Variants in FAT3 observed in about 807,000 individuals in gnomAD.
The protein encoded by FAT3 is protocadherin Fat 3.
In FAT3, 95 loss-of-function variants were observed where a neutral mutation model predicts 310.2. That is an observed-to-expected ratio of 0.31 (90% CI 0.26 to 0.36). The LOEUF (loss-of-function observed/expected upper bound fraction) is 0.36. FAT3 is among the 10% of genes least tolerant of loss of function. FAT3 has a pLI of 1.00. For synonymous variants in FAT3, 2,314 were observed against 2,192.9 expected, an observed-to-expected ratio of 1.06 and a Z score of -1.54; for missense variants, 5,408 against 5,715.6, an observed-to-expected ratio of 0.95 and a Z score of 1.74.
At chr11:92,698,602 T>TATTATC (rs1161323909) in intron 4 of FAT3, among the ~76,000 whole-genome samples, 4 of 152,156 alleles carry the variant, frequency 2.6e-5, no homozygotes, top group Admixed American at 1.3e-4. Context: ...TTATTATTAT[T>TATTATC]ATTATCATCA....
At chr11:92,661,764 T>C (rs1450780214) in intron 3 of FAT3, among the ~76,000 whole-genome samples, 1 of 152,096 alleles carries the variant, frequency 6.6e-6, no homozygotes, top group South Asian at 2.1e-4. Context: ...AGGAGAGGCA[T>C]TTAACAAATT....
chr11:92,241,161 A>G (rs1027094079), intron 1 of FAT3, among the ~76,000 whole-genome samples: 11 of 152,078 alleles, frequency 7.2e-5, no homozygotes, highest in South Asian at 2.1e-4. Context: ...CAAACTTACT[A>G]AGCATTCATT....
At chr11:92,471,053 G>C (rs373484355) in intron 2 of FAT3, among the ~76,000 whole-genome samples, 2 of 152,010 alleles carry the variant, frequency 1.3e-5, no homozygotes, top group Non-Finnish European at 2.9e-5. Context: ...TAATGTCTGC[G>C]TAGCAGTCTA....
chr11:92,608,009 T>TA (rs1401088195), intron 3 of FAT3, among the ~76,000 whole-genome samples: 1 of 152,108 alleles, frequency 6.6e-6, no homozygotes, highest in Non-Finnish European at 1.5e-5. Flanking sequence ...CTTTTTTTTT[T>TA]AATCTTAAAA....
At position 92,867,585 on chromosome 11, in the gene FAT3, C is replaced by T. The variant is rs561925267; in HGVS notation, c.12127+376C>T. Among the ~76,000 whole-genome samples the T allele has an allele frequency of 6.6e-5, 10 of 152,254 alleles. No individual in the cohort carries two copies. The Middle Eastern group carries it at 0.01, about 155-fold the overall frequency. Reference sequence around the variant, plus strand: ...GCATGTCACTGCAGAATGATAGTAGCACTATGAGTTATGATGCCCATGCAC... The same window carrying T: ...GCATGTCACTGCAGAATGATAGTAGTACTATGAGTTATGATGCCCATGCAC... On this transcript the variant is annotated intron_variant, in intron 22 of 27. Transcript: ENST00000525166.
chr11:92,627,333 A>T (rs1352663184), intron 3 of FAT3, among the ~76,000 whole-genome samples: 3 of 152,192 alleles, frequency 2.0e-5, no homozygotes, highest in Non-Finnish European at 4.4e-5. Flanking sequence ...AGATAAATAC[A>T]ATCTAAGGAT....
intron 4 of FAT3, among the ~76,000 whole-genome samples, chr11:92,760,934 C>A (rs569135437): frequency 3.1e-4 from 47 of 152,272 alleles, no homozygotes; most frequent in African/African-American, 9.1e-4. Flanking sequence ...AGGTGTACAT[C>A]CCCCTCCCAT....
intron 3 of FAT3, among the ~76,000 whole-genome samples, chr11:92,593,857 A>G (rs1179799780): frequency 1.3e-5 from 2 of 152,192 alleles, no homozygotes; most frequent in East Asian, 1.9e-4. Context: ...AAAAAATTAT[A>G]ATGAGGTATG....
chr11:92,622,777 AG>A (rs1941145061), intron 3 of FAT3, among the ~76,000 whole-genome samples: 1 of 152,176 alleles, frequency 6.6e-6, no homozygotes, highest in Non-Finnish European at 1.5e-5. Context: ...TTCTTCGTAA[AG>A]CCCCAAAAGT....
intron 1 of FAT3, among the ~76,000 whole-genome samples, chr11:92,339,417 A>G (rs1220564062): frequency 6.6e-6 from 1 of 152,218 alleles, no homozygotes; most frequent in African/African-American, 2.4e-5. Flanking sequence ...TTGAGCACCT[A>G]CTATGTGCCC....
chr11:92,343,247 T>C (rs959464562), intron 1 of FAT3, among the ~76,000 whole-genome samples: 3 of 152,140 alleles, frequency 2.0e-5, no homozygotes, highest in African/African-American at 7.2e-5. Flanking sequence ...ACAGTATTAT[T>C]ATGATGAAAA....
At chr11:92,686,906 G>A (rs1943649115) in intron 3 of FAT3, among the ~76,000 whole-genome samples, 1 of 152,146 alleles carries the variant, frequency 6.6e-6, no homozygotes. Context: ...ACAGTGACAT[G>A]ATTTCTAAGG....
In FAT3 at chr11:92,890,574, G is replaced by A. The variant is rs1949893997; in HGVS notation, c.13231G>A (p.Gly4411Arg). The A allele has an allele frequency of 6.2e-7, 1 of 1,613,416 alleles. No individual in the cohort carries two copies. Among genetic ancestry groups the A allele is most frequent in the Non-Finnish European group, 8.5e-7 (1 of 1,179,752 alleles). Reference protein sequence around the residue: ...EEVPNYENQDGGSAHQGSTRE... With the variant: ...EEVPNYENQDRGSAHQGSTRE... ...AGTGCCCAACTATGAGAACCAGGAT[G>A]GAGGGTCTGCACACCAGGGGAGCAC... is the stretch of plus-strand genomic sequence containing the variant. Residue 4411 changes from glycine to arginine, a missense_variant, in exon 28 of 28, where the codon GGA (glycine) becomes AGA (arginine). Around this residue, in one of 5 missense-constraint regions of FAT3, gnomAD observed 649 missense variants for 666.2 expected, o/e 0.97. Coordinates refer to ENST00000525166, the MANE Select transcript of FAT3 (RefSeq NM_001367949.2).
At chr11:92,535,107 C>A (rs928127918) in intron 3 of FAT3, among the ~76,000 whole-genome samples, 1 of 152,088 alleles carries the variant, frequency 6.6e-6, no homozygotes, top group African/African-American at 2.4e-5. Flanking sequence ...TCAGAGATAC[C>A]TTTATGCTTC....
At chr11:92,503,181 A>C (rs978777381) in intron 2 of FAT3, among the ~76,000 whole-genome samples, 2 of 152,082 alleles carry the variant, frequency 1.3e-5, no homozygotes, top group Non-Finnish European at 2.9e-5. Flanking sequence ...GCAACAAGAA[A>C]ATTTCCATCG....
intron 2 of FAT3, among the ~76,000 whole-genome samples, chr11:92,514,148 T>G (rs1289827062): frequency 1.3e-5 from 2 of 152,218 alleles, no homozygotes; most frequent in Non-Finnish European, 2.9e-5. Flanking sequence ...AATATGTGTT[T>G]CATGCTGGAA....
intron 4 of FAT3, among the ~76,000 whole-genome samples, chr11:92,710,475 T>G (rs959229436): frequency 2.6e-5 from 4 of 152,138 alleles, no homozygotes; most frequent in African/African-American, 9.7e-5. Flanking sequence ...AAGGCTGCAG[T>G]CAAATTTAAA....
intron 3 of FAT3, among the ~76,000 whole-genome samples, chr11:92,623,957 T>A (rs947859572): frequency 3.3e-5 from 5 of 151,804 alleles, no homozygotes; most frequent in African/African-American, 4.8e-5. Context: ...AAAAAAAAAA[T>A]TAAAATCGCT....
At chr11:92,573,933 G>A (rs910862226) in intron 3 of FAT3, among the ~76,000 whole-genome samples, 4 of 152,242 alleles carry the variant, frequency 2.6e-5, no homozygotes, top group East Asian at 1.9e-4. Context: ...TTAAAAAAAT[G>A]AATAAAGAAA....
Sources: allele counts gnomAD v4.1 joint callset (sites outside exome capture counted in the v4.1 genomes callset), GRCh38; gene constraint gnomAD v4.1.1; regional missense constraint gnomAD v4.1.1; transcripts MANE v1.5; gene names NCBI Gene and HGNC (gene_info 2026-07-23, HGNC 2026-07-21).